The following SLC25A48 variants were observed in gnomAD, a reference collection of about 807,000 sequenced individuals.
SLC25A48 encodes CTC-321K16.1.
Under a neutral mutation model 32.2 loss-of-function variants are expected in SLC25A48, and 29 were observed. The observed-to-expected ratio is 0.90, with a 90% CI of 0.67 to 1.23. The LOEUF (loss-of-function observed/expected upper bound fraction) is 1.23, where lower values mean the gene tolerates loss of function less well. Ranked by LOEUF, SLC25A48 falls within the 50% of genes most tolerant of loss-of-function variation. The pLI, the probability that SLC25A48 is intolerant of heterozygous loss-of-function variation, is 0.00. For missense variants in SLC25A48, 399 were observed against 422.7 expected (o/e 0.94, Z 0.49); for synonymous variants, 164 against 172.3 (o/e 0.95, Z 0.38).
At chr5:135,850,783 A>C (rs1759789811) in intron 3 of SLC25A48, among the ~76,000 whole-genome samples, 1 of 152,186 alleles carries the variant, frequency 6.6e-6, no homozygotes, top group Non-Finnish European at 1.5e-5. Flanking sequence ...TTCCTGCAAA[A>C]ACAAGGTGAT....
upstream of SLC25A48, among the ~76,000 whole-genome samples, chr5:135,832,366 C>T (rs185839367): frequency 1.9e-3 from 286 of 152,260 alleles, 1 homozygote; most frequent in Non-Finnish European, 2.7e-3. Context: ...GGGGAGCAGG[C>T]GGCATGGGCA....
chr5:135,829,444 A>C (rs1353075444), intron 4 of SLC25A48, among the ~76,000 whole-genome samples: 2 of 152,116 alleles, frequency 1.3e-5, no homozygotes, highest in East Asian at 3.9e-4. Context: ...GGAAAGAAGC[A>C]CATATGATTT....
intron 3 of SLC25A48, among the ~76,000 whole-genome samples, chr5:135,701,737 A>G (rs1407500862): frequency 6.6e-6 from 1 of 152,204 alleles, no homozygotes; most frequent in African/African-American, 2.4e-5. Flanking sequence ...AGATCTGGGC[A>G]TTCCTCATAT....
At chr5:135,879,195 G>A (rs1193262227) in intron 6 of SLC25A48, among the ~76,000 whole-genome samples, 12 of 152,138 alleles carry the variant, frequency 7.9e-5, no homozygotes, top group Non-Finnish European at 1.8e-4. Flanking sequence ...AGTGATGGAG[G>A]TTGAGTCCTA....
chr5:135,622,092 C>T (rs1472685213), intron 1 of SLC25A48, among the ~76,000 whole-genome samples: 1 of 152,146 alleles, frequency 6.6e-6, no homozygotes, highest in Non-Finnish European at 1.5e-5. Flanking sequence ...AAATGCCAGA[C>T]TTCACTGACA....
intron 3 of SLC25A48, among the ~76,000 whole-genome samples, chr5:135,700,066 T>G (rs1346330969): frequency 6.6e-6 from 1 of 152,136 alleles, no homozygotes; most frequent in Non-Finnish European, 1.5e-5. Context: ...ATTTGACACA[T>G]GGCCTTGCAG....
chr5:135,821,040 A>G (rs1257583306), intron 4 of SLC25A48, among the ~76,000 whole-genome samples: 2 of 152,186 alleles, frequency 1.3e-5, no homozygotes, highest in East Asian at 1.9e-4. Context: ...AAGGCTAGAA[A>G]CTAACTAGAG....
intron 3 of SLC25A48, among the ~76,000 whole-genome samples, chr5:135,797,864 G>T (rs1358744935): frequency 1.3e-5 from 2 of 151,488 alleles, no homozygotes; most frequent in African/African-American, 4.9e-5. Flanking sequence ...TATCGCAAAA[G>T]GTGTACACCC....
At chr5:135,596,446 C>T (rs930567049) in intron 1 of SLC25A48, among the ~76,000 whole-genome samples, 1 of 152,194 alleles carries the variant, frequency 6.6e-6, no homozygotes, top group Admixed American at 6.5e-5. Context: ...GACTTAACAG[C>T]AACACCATGT....
At chr5:135,663,094 T>C (rs1753442939) in intron 3 of SLC25A48, among the ~76,000 whole-genome samples, 1 of 152,226 alleles carries the variant, frequency 6.6e-6, no homozygotes, top group Admixed American at 6.5e-5. Flanking sequence ...CTTTGGGTTC[T>C]CCCTCTCTGT....
intron 1 of SLC25A48, among the ~76,000 whole-genome samples, chr5:135,606,366 A>T (rs1029909212): frequency 1.3e-5 from 2 of 152,262 alleles, no homozygotes; most frequent in Non-Finnish European, 2.9e-5. Context: ...TATTTTAAAT[A>T]GTTGAGAAGC....
intron 3 of SLC25A48, among the ~76,000 whole-genome samples, chr5:135,808,233 A>G (rs1363362824): frequency 1.3e-5 from 2 of 150,428 alleles, no homozygotes; most frequent in African/African-American, 4.9e-5. Flanking sequence ...GTAACACTGT[A>G]TTAACACTTG....
chr5:135,608,914 A>T (rs1195488705), intron 1 of SLC25A48, among the ~76,000 whole-genome samples: 1 of 152,134 alleles, frequency 6.6e-6, no homozygotes, highest in South Asian at 2.1e-4. Context: ...TCTTAATTGG[A>T]GGAAAGAGCA....
chr5:135,825,877 G>A (rs1758032007), intron 4 of SLC25A48: 1 of 152,244 alleles, frequency 6.6e-6, no homozygotes, highest in South Asian at 2.1e-4. Flanking sequence ...CTGGGAGCCA[G>A]GGGCCCTCAG....
chr5:135,624,942 AG>A (rs1455193096), intron 1 of SLC25A48, among the ~76,000 whole-genome samples: 2 of 152,232 alleles, frequency 1.3e-5, no homozygotes, highest in Non-Finnish European at 2.9e-5. Flanking sequence ...ATGTGAACTG[AG>A]TTGTGGAATA....
chr5:135,886,634 T>TATATATATATATATATATAA (rs1554088453), intron 7 of SLC25A48, among the ~76,000 whole-genome samples: 2 of 29,166 alleles, frequency 6.9e-5, no homozygotes, highest in African/African-American at 4.0e-4. Context: ...TATATATATA[T>TATATATATATATATATATAA]ATAAAATATA....
chr5:135,826,400 A>T (rs1304770408), intron 4 of SLC25A48: 1 of 152,384 alleles, frequency 6.6e-6, no homozygotes, highest in Non-Finnish European at 1.5e-5. Context: ...AGCCACACCA[A>T]AAGTGGCTTT....
At chr5:135,660,582 TTACTAGCTGTGTGACC>T in intron 3 of SLC25A48, among the ~76,000 whole-genome samples, 1 of 152,196 alleles carries the variant, frequency 6.6e-6, no homozygotes, top group East Asian at 1.9e-4. Context: ...CCTATCAAAA[TTACTAGCTGTGTGACC>T]TAAGACAAGT....
chr5:135,757,743 A>T (rs1425467394), intron 3 of SLC25A48, among the ~76,000 whole-genome samples: 1 of 148,932 alleles, frequency 6.7e-6, no homozygotes, highest in East Asian at 2.1e-4. Context: ...ATTCACTACA[A>T]TATTAATAAA....
Sources: gnomAD v4.1 joint callset for allele counts (sites outside exome capture counted in the v4.1 genomes callset) on GRCh38, gnomAD v4.1.1 for gene constraint, MANE v1.5 for transcripts, NCBI Gene and HGNC (gene_info 2026-07-23, HGNC 2026-07-21) for gene names.